The following WDR26 variants were observed in gnomAD, a reference collection of about 807,000 sequenced individuals.
WDR26 encodes the protein WD repeat-containing protein 26.
A neutral mutation model predicts 84.1 loss-of-function variants in WDR26; 5 were observed. That is an observed-to-expected ratio of 0.06 (90% CI 0.03 to 0.13). The LOEUF (loss-of-function observed/expected upper bound fraction) is 0.13, where lower values mean the gene tolerates loss of function less well. Ranked by LOEUF, WDR26 falls within the 10% of genes least tolerant of loss-of-function variation. The pLI, the probability that WDR26 is intolerant of heterozygous loss-of-function variation, is 1.00. For synonymous variants in WDR26, 415 were observed against 389.6 expected (o/e 1.07, Z -0.77); for missense variants, 642 against 974.9 (o/e 0.66, Z 4.55).
Position 224,424,593 on chromosome 1 carries a change from A to G in WDR26, c.989T>C (p.Leu330Pro), listed in dbSNP as rs1339617030. 1 of 1,614,102 alleles carries G rather than the reference A, an allele frequency of 6.2e-7. No individual in the cohort carries two copies. Among genetic ancestry groups the G allele is most frequent in the Non-Finnish European group, 8.5e-7 (1 of 1,180,030 alleles). The change falls in exon 4 of 14, where the codon CTG becomes CCG. Residue 330 changes from leucine (L) to proline (P), a missense_variant. By Grantham distance (98) the Leu-to-Pro change is moderately conservative (BLOSUM62 -3). Coordinates refer to ENST00000414423, the MANE Select transcript of WDR26 (RefSeq NM_001379403.1). The stretch of plus-strand genomic sequence containing the variant: ...ACAGCGTAGAACTTGAAGTGCCTCC[A>G]GGACCTTGCCATCCTCCAGGTATTC...
chr1:224,409,003 C>T (rs528317884), intron 7 of WDR26, among the ~76,000 whole-genome samples: 2 of 151,982 alleles, frequency 1.3e-5, no homozygotes, highest in Non-Finnish European at 2.9e-5. Context: ...CAAATGCAGG[C>T]AATTAACAAG....
chr1:224,404,985 G>C (rs1673513819), intron 7 of WDR26, among the ~76,000 whole-genome samples: 1 of 152,110 alleles, frequency 6.6e-6, no homozygotes, highest in African/African-American at 2.4e-5. Context: ...ATACAACTCA[G>C]TATATTTTAG....
intron 12 of WDR26, 159 bp downstream of exon 12, chr1:224,397,938 G>A (rs1353275136): frequency 3.7e-6 from 3 of 815,170 alleles, no homozygotes; most frequent in East Asian, 5.8e-5. Flanking sequence ...GATAATACAG[G>A]GGCTTAGGTC....
intron 8 of WDR26, among the ~76,000 whole-genome samples, chr1:224,402,366 C>A (rs1396751697): frequency 6.6e-6 from 1 of 152,128 alleles, no homozygotes; most frequent in African/African-American, 2.4e-5. Context: ...AAATTCTTGG[C>A]ATTTTCCATT....
chr1:224,413,421 G>A (rs903722885), intron 6 of WDR26: 7 of 551,472 alleles, frequency 1.3e-5, no homozygotes, highest in African/African-American at 3.9e-5. Flanking sequence ...GGTATTTGCA[G>A]GCTGTTTTAA....
At position 224,410,694 on chromosome 1, in the gene WDR26, C is replaced by CTTTTTT. The variant is rs397983007; in HGVS notation, c.1458+727_1458+732dup. Among the ~76,000 whole-genome samples, 299 of 118,838 alleles carry CTTTTTT rather than the reference C, an allele frequency of 2.5e-3. 2 individuals are homozygous for CTTTTTT. Among genetic ancestry groups the CTTTTTT allele is most frequent in the African/African-American group, 4.5e-3 (136 of 30,372 alleles). 78.0% of individuals were successfully genotyped at this position (118,838 alleles called of 152,430 possible). On this transcript the variant is annotated intron_variant, in intron 7 of 13. Coordinates refer to ENST00000414423, the MANE Select transcript of WDR26 (RefSeq NM_001379403.1). The stretch of plus-strand genomic sequence containing the variant: ...ATGGACATTGTATTAATCTTTCTTT[C>CTTTTTT]TTTTTTTTTTTTTTTTTTTTGAGAC...
intron 7 of WDR26, among the ~76,000 whole-genome samples, chr1:224,407,198 T>C (rs1673605762): frequency 8.9e-6 from 1 of 112,406 alleles, no homozygotes; most frequent in African/African-American, 3.5e-5. Context: ...TGTACATGAA[T>C]GAAAAAAATA....
At chr1:224,433,486 A>G (rs549749031) in intron 1 of WDR26, among the ~76,000 whole-genome samples, 198 bp downstream of exon 1, 1 of 151,114 alleles carries the variant, frequency 6.6e-6, no homozygotes, top group East Asian at 2.0e-4. Context: ...ATTTTCCCCT[A>G]TTTCCTTTCA....
intron 4 of WDR26, among the ~76,000 whole-genome samples, chr1:224,420,677 CA>C (rs1674034318): frequency 6.6e-6 from 1 of 152,128 alleles, no homozygotes; most frequent in South Asian, 2.1e-4. Context: ...ATTTTTAGTA[CA>C]TAAATAGTGC....
intron 8 of WDR26, among the ~76,000 whole-genome samples, chr1:224,402,779 CTA>C (rs1251023728): frequency 6.6e-6 from 1 of 152,174 alleles, no homozygotes; most frequent in Non-Finnish European, 1.5e-5. Context: ...ACATTCTACT[CTA>C]TGTTTTGCCA....
At position 224,387,524 on chromosome 1, in the gene WDR26, T is replaced by C. The variant is rs1434969679; in HGVS notation, c.*2311A>G. On this transcript the variant is annotated 3_prime_UTR_variant, in exon 14 of 14. Transcript: ENST00000414423. Reference sequence around the variant, plus strand: ...TGTTCTTGTAAAATGTGCCTCACTTTTACTCCACTTTTTAAAAAGTGTTTT... The same window carrying C: ...TGTTCTTGTAAAATGTGCCTCACTTCTACTCCACTTTTTAAAAAGTGTTTT... 1 of 152,644 alleles carries C rather than the reference T, an allele frequency of 6.6e-6. No homozygotes were observed. The highest frequency in any genetic ancestry group is 1.5e-5 in the Non-Finnish European group (1 of 68,040). 9.5% of individuals were successfully genotyped at this position (152,644 alleles called of 1,614,324 possible).
chr1:224,429,368 C>T (rs1674321200), intron 3 of WDR26: 1 of 151,270 alleles, frequency 6.6e-6, no homozygotes, highest in South Asian at 2.1e-4. Context: ...AAATAAAGTA[C>T]AATTTTAGTC....
At position 224,387,428 on chromosome 1, in the gene WDR26, C is replaced by T. The variant is rs537107266; in HGVS notation, c.*2407G>A. On this transcript the variant is annotated 3_prime_UTR_variant, in exon 14 of 14. Transcript: ENST00000414423. ...ACAGGAAGCTGCCAGTTAAGACAGA[C>T]CCGGAAAACAAACTCACCTAGCTGC... The T allele has an allele frequency of 1.3e-5, 2 of 152,718 alleles. No individual in the cohort carries two copies. Among genetic ancestry groups the T allele is most frequent in the South Asian group, 2.1e-4 (1 of 4,830 alleles). The allele number at this position is 152,718 out of a possible 1,614,324, so 9.5% of individuals were successfully genotyped here. A position where few individuals can be genotyped will look rare whatever the true frequency, so the allele number is the denominator to read the frequency against.
At chr1:224,409,857 T>C (rs1673684948) in intron 7 of WDR26, among the ~76,000 whole-genome samples, 1 of 151,534 alleles carries the variant, frequency 6.6e-6, no homozygotes, top group Admixed American at 6.6e-5. Flanking sequence ...AGTGAGATAC[T>C]GTCTCAGAGA....
chr1:224,432,263 C>G (rs1427006105), intron 1 of WDR26, among the ~76,000 whole-genome samples: 1 of 152,162 alleles, frequency 6.6e-6, no homozygotes, highest in African/African-American at 2.4e-5. Context: ...AATCCAGCAT[C>G]AAAAATCATT....
intron 12 of WDR26, among the ~76,000 whole-genome samples, chr1:224,396,975 C>T (rs1452333261): frequency 6.6e-6 from 1 of 152,222 alleles, no homozygotes; most frequent in Non-Finnish European, 1.5e-5. Context: ...AAATGTCTCT[C>T]TTTGTCCCAA....
rs1673314210 is a variant in WDR26 at position 224,398,183 on chromosome 1, T to C, written c.1988A>G (p.Lys663Arg). ...AAACCCTTGTGTAACACCTTGATAC[T>C]TTCTTACTAAAACTCTGTCTTGCAA... Residue 663 changes from lysine (K) to arginine (R), a missense_variant, in exon 12 of 14, where the codon AAG becomes AGG. By Grantham distance (26) the Lys-to-Arg change is conservative. Transcript: ENST00000414423. 6.2e-7 allele frequency: 1 copy of C among 1,613,592 alleles called. No homozygotes were observed. The highest frequency in any genetic ancestry group is 1.3e-5 in the African/African-American group (1 of 74,934).
intron 4 of WDR26, among the ~76,000 whole-genome samples, chr1:224,422,948 C>T (rs553527825): frequency 1.3e-5 from 2 of 152,100 alleles, no homozygotes; most frequent in Non-Finnish European, 2.9e-5. Flanking sequence ...GAAGATCTTG[C>T]GATATACTGG....
Position 224,395,020 on chromosome 1 carries a change from T to C in WDR26, c.2075-1007A>G, listed in dbSNP as rs554970314. The stretch of plus-strand genomic sequence containing the variant: ...TCAAAATCCCCTACAGCTTTCTTTG[T>C]AATAAACGAATCTTCAAAAAACTAG... On this transcript the variant is annotated intron_variant, in intron 12 of 13. Transcript: ENST00000414423. 7.2e-5 allele frequency among the ~76,000 whole-genome samples: 11 copies of C among 152,240 alleles called. No individual in the cohort carries two copies. The South Asian group carries it at 1.0e-3, about 14-fold the overall frequency.
Sources: allele counts gnomAD v4.1 joint callset (sites outside exome capture counted in the v4.1 genomes callset), GRCh38; gene constraint gnomAD v4.1.1; transcripts MANE v1.5; gene names NCBI Gene and HGNC (gene_info 2026-07-23, HGNC 2026-07-21).